The following CCDC40 variants were observed in gnomAD, a reference collection of about 807,000 sequenced individuals.
CCDC40 encodes the protein coiled-coil domain-containing protein 40.
CCDC40 carries 104 observed loss-of-function variants against 124.5 expected under a neutral mutation model. That is an observed-to-expected ratio of 0.84 (90% CI 0.71 to 0.98). The LOEUF is 0.98. Among genes scored for constraint, CCDC40 ranks in the 50% least tolerant of loss-of-function variants. The pLI, the probability that CCDC40 is intolerant of heterozygous loss-of-function variation, is 0.00. For missense variants in CCDC40, 1,463 were observed against 1,503.9 expected (o/e 0.97, Z 0.45); for synonymous variants, 580 against 602.9 (o/e 0.96, Z 0.56).
At position 80,066,250 on chromosome 17, in the gene CCDC40, G is replaced by A. The variant is rs770661529; in HGVS notation, c.1562+644G>A. ...CTCCACCCCTTGTGCCCAGCACAGA[G>A]CCTGGCATACAGCAAGCGCTCAAGA... On this transcript the variant is annotated intron_variant, in intron 10 of 19. Coordinates refer to ENST00000397545, the MANE Select transcript of CCDC40 (RefSeq NM_017950.4). The surrounding 1 kb of genome is among the most constrained non-coding windows in gnomAD (Gnocchi z 4.4). The A allele has an allele frequency of 8.9e-5, 62 of 697,932 alleles. No individual in the cohort carries two copies. In the African/African-American group the frequency reaches 9.3e-4, roughly 10 times the overall value. 43.2% of individuals were successfully genotyped at this position (697,932 alleles called of 1,614,324 possible).
Position 80,100,272 on chromosome 17 carries a change from C to T in CCDC40, c.*497C>T, listed in dbSNP as rs2038897917. The T allele has an allele frequency of 1.0e-5, 2 of 192,002 alleles. No individual in the cohort carries two copies. Among genetic ancestry groups the T allele is most frequent in the Admixed American group, 1.1e-4 (2 of 18,716 alleles). 11.9% of individuals were successfully genotyped at this position (192,002 alleles called of 1,614,324 possible). Reference sequence around the variant, plus strand: ...CACCTTCTTTACCAGTTTTCCCATCCCCACCCCTTAGAACTCTCAGGTCCC... The same window carrying T: ...CACCTTCTTTACCAGTTTTCCCATCTCCACCCCTTAGAACTCTCAGGTCCC... On this transcript the variant is annotated 3_prime_UTR_variant, in exon 20 of 20. Coordinates refer to ENST00000397545, the MANE Select transcript of CCDC40 (RefSeq NM_017950.4).
chr17:80,050,051 C>T lies in CCDC40; in HGVS notation c.940-13C>T. 1 of 1,613,960 alleles carries T rather than the reference C, an allele frequency of 6.2e-7. No individual in the cohort carries two copies. On this transcript the variant is annotated splice_polypyrimidine_tract_variant and intron_variant, in intron 6 of 19. Coordinates refer to ENST00000397545, the MANE Select transcript of CCDC40 (RefSeq NM_017950.4). Reference sequence around the variant, plus strand: ...CCTGCGTCCTGGTGACCCTGTTTCTCTCTTTGGTCCAGGTTGTGGCTACCA... The same window carrying T: ...CCTGCGTCCTGGTGACCCTGTTTCTTTCTTTGGTCCAGGTTGTGGCTACCA...
rs1420284756 is a variant in CCDC40, at chr17:80,095,532, G to T, written c.3021+81G>T. On this transcript the variant is annotated intron_variant, in intron 18 of 19. Transcript: ENST00000397545. ...AACACTCCAGGAAGGCGTCTTGCTGGGTCCGGGGTGAGGATGCAGAGGCTG... is the reference window on the plus strand; with the variant it reads ...AACACTCCAGGAAGGCGTCTTGCTGTGTCCGGGGTGAGGATGCAGAGGCTG... 3.6e-6 allele frequency: 5 copies of T among 1,382,136 alleles called. No homozygotes were observed. In the African/African-American group the frequency reaches 5.7e-5, roughly 16 times the overall value. 85.6% of individuals were successfully genotyped at this position (1,382,136 alleles called of 1,614,324 possible).
At chr17:80,053,321 G>A (rs866044259) in intron 7 of CCDC40, among the ~76,000 whole-genome samples, 4 of 152,202 alleles carry the variant, frequency 2.6e-5, no homozygotes, top group Non-Finnish European at 4.4e-5. Context: ...TCTTGAGGCC[G>A]GGCCTGGGCT....
intron 19 of CCDC40, among the ~76,000 whole-genome samples, chr17:80,098,375 C>T (rs1012960380): frequency 2.6e-5 from 4 of 152,210 alleles, no homozygotes; most frequent in Non-Finnish European, 4.4e-5. Flanking sequence ...CGGGCTCCCG[C>T]GCGCTCTAAG....
At position 80,068,190 on chromosome 17, in the gene CCDC40, C is replaced by G. The variant is rs541461643; in HGVS notation, c.1562+2584C>G. Among the ~76,000 whole-genome samples the G allele has an allele frequency of 1.2e-3, 181 of 152,278 alleles. 1 individual carries two copies. The highest frequency in any genetic ancestry group is 8.2e-4 in the Non-Finnish European group (56 of 68,022). On this transcript the variant is annotated intron_variant, in intron 10 of 19. Transcript: ENST00000397545. ...CTGGGATTACAGGCGTGCACCACCA[C>G]GCCTGGCTAATTTTTGTATTTTTAG...
chr17:80,070,675 G>A (rs150980689), intron 10 of CCDC40, among the ~76,000 whole-genome samples: 194 of 152,032 alleles, frequency 1.3e-3, no homozygotes, highest in African/African-American at 4.4e-3. Context: ...CGGGAGGCTG[G>A]GTGGGAGGAT....
Position 80,048,685 on chromosome 17 carries a change from A to T in CCDC40, c.779A>T (p.Glu260Val). Reference protein sequence around the residue: ...QPSTEEGAMAERVESEGSDEE... With the variant: ...QPSTEEGAMAVRVESEGSDEE... ...AGCACCGAGGAGGGGGCCATGGCAG[A>T]GAGAGTGGAGTCCGAGGGGAGTGAC... The change falls in exon 5 of 20, where the codon GAG (glutamate) becomes GTG (valine). Residue 260 changes from glutamate to valine, a missense_variant. Transcript: ENST00000397545. The T allele has an allele frequency of 1.2e-6, 2 of 1,614,108 alleles. No individual in the cohort carries two copies. Among genetic ancestry groups the T allele is most frequent in the Non-Finnish European group, 1.7e-6 (2 of 1,179,982 alleles).
chr17:80,039,911 GA>G lies in CCDC40; in HGVS notation c.195del (p.Glu66ArgfsTer101), dbSNP rs1165076153. On this transcript the variant is annotated frameshift_variant, in exon 3 of 20. Transcript: ENST00000397545. LOFTEE classifies it high-confidence loss of function. Reference protein sequence around the residue: ...EVTTQAEAAIEEGEVETEGEA... With the variant: ...EVTTQAEAAIXEGEVETEGEA... Reference sequence around the variant, plus strand: ...CACAACCCAAGCGGAAGCTGCAATTGAAGAGGGGGAGGTGGAGACAGAAGGG... The same window carrying G: ...CACAACCCAAGCGGAAGCTGCAATTGAGAGGGGGAGGTGGAGACAGAAGGG... The G allele has an allele frequency of 1.2e-6, 2 of 1,613,718 alleles. No individual in the cohort carries two copies. Among genetic ancestry groups the G allele is most frequent in the Non-Finnish European group, 1.7e-6 (2 of 1,179,748 alleles).
intron 5 of CCDC40, among the ~76,000 whole-genome samples, 192 bp from the exon 6 acceptor site, chr17:80,049,714 C>T (rs775498730): frequency 1.3e-5 from 2 of 152,026 alleles, no homozygotes; most frequent in Non-Finnish European, 2.9e-5. Context: ...CTGCAAGTGC[C>T]TCAGATGAGA....
chr17:80,087,740 C>G lies in CCDC40; in HGVS notation c.2583C>G (p.Asn861Lys). 1 of 1,614,094 alleles carries G rather than the reference C, an allele frequency of 6.2e-7. No homozygotes were observed. Among genetic ancestry groups the G allele is most frequent in the Non-Finnish European group, 8.5e-7 (1 of 1,179,964 alleles). Residue 861 changes from asparagine to lysine, a missense_variant, in exon 15 of 20, where the codon AAC becomes AAG. Transcript: ENST00000397545. This position sits in a 1 kb window ranked among gnomAD's most constrained non-coding sequence, Gnocchi z 4.5. The stretch of plus-strand genomic sequence containing the variant: ...GCTCGGAGGAGCTGGAGCAGAACAA[C>G]CGGGTGACAGAGAATGAGTTCGTGC... ...RCSSEELEQNNRVTENEFVRS... is the reference protein window; with the variant it reads ...RCSSEELEQNKRVTENEFVRS...
intron 3 of CCDC40, among the ~76,000 whole-genome samples, chr17:80,041,506 T>TG: frequency 8.0e-6 from 1 of 125,458 alleles, no homozygotes; most frequent in African/African-American, 3.4e-5. Context: ...AGACTCTGTC[T>TG]CAAAAAAAAA....
intron 9 of CCDC40, among the ~76,000 whole-genome samples, chr17:80,064,515 G>A (rs1305962129): frequency 6.8e-6 from 1 of 147,730 alleles, no homozygotes; most frequent in Non-Finnish European, 1.5e-5. Context: ...CTGTACCCAT[G>A]GAGGTGCCGC....
chr17:80,098,476 C>T (rs377425641), intron 19 of CCDC40, among the ~76,000 whole-genome samples: 38 of 152,390 alleles, frequency 2.5e-4, no homozygotes, highest in Middle Eastern at 3.4e-3. Context: ...GAGAAGCCAT[C>T]AGGCTCTGCA....
At chr17:80,069,707 T>C (rs545354787) in intron 10 of CCDC40, among the ~76,000 whole-genome samples, 1 of 151,446 alleles carries the variant, frequency 6.6e-6, no homozygotes, top group South Asian at 2.1e-4. Flanking sequence ...AGCAAGATGG[T>C]GCCACTGCAC....
At chr17:80,065,191 CCTT>C (rs2143676650) in intron 9 of CCDC40, among the ~76,000 whole-genome samples, 1 of 97,644 alleles carries the variant, frequency 1.0e-5, no homozygotes, top group South Asian at 4.3e-4. Flanking sequence ...CCCTCTCCCT[CCTT>C]CATCTTCCCC....
At chr17:80,088,574 A>G (rs1475338695) in intron 16 of CCDC40, among the ~76,000 whole-genome samples, 1 of 152,240 alleles carries the variant, frequency 6.6e-6, no homozygotes, top group East Asian at 1.9e-4. Flanking sequence ...TGGGATGCCA[A>G]GGCAGGAGGC....
In CCDC40 at chr17:80,050,227, C is replaced by T; in HGVS notation, c.1103C>T (p.Ala368Val). 6.2e-7 allele frequency: 1 copy of T among 1,602,284 alleles called. No homozygotes were observed. Among genetic ancestry groups the T allele is most frequent in the Non-Finnish European group, 8.5e-7 (1 of 1,175,870 alleles). Residue 368 changes from alanine (A) to valine (V), a missense_variant, in exon 7 of 20, where the codon GCC becomes GTC. Physicochemically the swap from Ala to Val is moderately conservative, Grantham distance 64 (BLOSUM62 0). Coordinates refer to ENST00000397545, the MANE Select transcript of CCDC40 (RefSeq NM_017950.4). The part of the protein sequence containing the change: ...ERRQKEEELQ[A>V]ARALYTKTCA... The stretch of plus-strand genomic sequence containing the variant: ...AGGCAGAAGGAGGAGGAGCTGCAGG[C>T]CGCCCGCGCTCTCTACACCAAGACC...
chr17:80,057,605 G>A (rs970020601), intron 7 of CCDC40, among the ~76,000 whole-genome samples: 1 of 151,968 alleles, frequency 6.6e-6, no homozygotes, highest in Admixed American at 6.6e-5. Context: ...GGCCGGGCGC[G>A]GTGGCTCATG....
Sources: allele counts gnomAD v4.1 joint callset (sites outside exome capture counted in the v4.1 genomes callset), GRCh38; gene constraint gnomAD v4.1.1; non-coding constraint Gnocchi (gnomAD v3.1); transcripts MANE v1.5; gene names NCBI Gene and HGNC (gene_info 2026-07-23, HGNC 2026-07-21).